RTN3: variants seen among roughly 807,000 people sequenced by gnomAD.
RTN3 encodes the protein reticulon-3.
In RTN3, 49 loss-of-function variants were observed where a neutral mutation model predicts 77.8. The observed-to-expected ratio is 0.63, with a 90% CI of 0.50 to 0.80. The LOEUF is 0.80. Ranked by LOEUF, RTN3 falls within the 30% of genes least tolerant of loss-of-function variation. RTN3 has a pLI of 0.00. For synonymous variants in RTN3, 464 were observed against 446.9 expected, an observed-to-expected ratio of 1.04 and a Z score of -0.48; for missense variants, 1,236 against 1,211.9, an observed-to-expected ratio of 1.02 and a Z score of -0.29.
chr11:63,690,927 T>C (rs1941622069), intron 1 of RTN3, among the ~76,000 whole-genome samples: 2 of 152,264 alleles, frequency 1.3e-5, no homozygotes, highest in South Asian at 4.1e-4. Flanking sequence ...TGGGTTTTAG[T>C]GTATGCACAA....
Position 63,733,795 on chromosome 11 carries a change from G to A in RTN3, c.2530+12763G>A, listed in dbSNP as rs191128546. On this transcript the variant is annotated intron_variant, in intron 3 of 8. Transcript: ENST00000377819. ...AGTCCCAGCTACTCGGGAGGCTGAG[G>A]CAGGAGGATTGCTTGGGCCCAGGAA... Among the ~76,000 whole-genome samples the A allele has an allele frequency of 4.1e-4, 63 of 151,940 alleles. No individual in the cohort carries two copies. In the East Asian group the frequency reaches 0.011, roughly 27 times the overall value.
At chr11:63,757,335 TTTC>T (rs2014429395) in intron 8 of RTN3, among the ~76,000 whole-genome samples, 1 of 152,176 alleles carries the variant, frequency 6.6e-6, no homozygotes, top group Non-Finnish European at 1.5e-5. Context: ...TTTTTTCTTT[TTTC>T]TTTTTTCTTT....
chr11:63,750,462 T>C, intron 4 of RTN3: 1 of 406,112 alleles, frequency 2.5e-6, no homozygotes, highest in Non-Finnish European at 4.4e-6. Flanking sequence ...ATTCTTTTTT[T>C]TTTTTTTTGA....
rs756405620 is a variant in RTN3, at chr11:63,690,497, G to A, written c.142+8719G>A. On this transcript the variant is annotated intron_variant, in intron 1 of 8. Coordinates refer to ENST00000377819, the MANE Select transcript of RTN3 (RefSeq NM_001265589.2). Reference sequence around the variant, plus strand: ...GGAAAGACTTGTATTATGTTTATCTGTGAGGTAGACAGGTAGCGATATAAC... The same window carrying A: ...GGAAAGACTTGTATTATGTTTATCTATGAGGTAGACAGGTAGCGATATAAC... Among the ~76,000 whole-genome samples, 4 of 152,172 alleles carry A rather than the reference G, an allele frequency of 2.6e-5. No homozygotes were observed. In the East Asian group the frequency reaches 7.7e-4, roughly 29 times the overall value.
intron 1 of RTN3, 134 bp downstream of exon 1, chr11:63,681,912 G>A (rs1047098405): frequency 1.9e-5 from 19 of 989,424 alleles, no homozygotes; most frequent in Non-Finnish European, 2.7e-5. Context: ...CCGGGGACGA[G>A]CGTTTGGAAA....
intron 3 of RTN3, among the ~76,000 whole-genome samples, chr11:63,745,009 T>C (rs1043962272): frequency 6.6e-6 from 1 of 151,992 alleles, no homozygotes; most frequent in African/African-American, 2.4e-5. Flanking sequence ...AAAAGAAAAT[T>C]TCATGGACGC....
intron 3 of RTN3, among the ~76,000 whole-genome samples, chr11:63,733,947 C>T (rs1414748160): frequency 6.6e-6 from 1 of 151,912 alleles, no homozygotes; most frequent in Non-Finnish European, 1.5e-5. Flanking sequence ...TACACACAGA[C>T]ACACATATAT....
At chr11:63,739,112 G>A (rs946957749) in intron 3 of RTN3, among the ~76,000 whole-genome samples, 8 of 152,136 alleles carry the variant, frequency 5.3e-5, no homozygotes, top group African/African-American at 1.9e-4. Flanking sequence ...GGAATCAGTC[G>A]TAATTCCACC....
At position 63,719,578 on chromosome 11, in the gene RTN3, T is replaced by C; in HGVS notation, c.1076T>C (p.Ile359Thr). 1.2e-6 allele frequency: 2 copies of C among 1,614,092 alleles called. No homozygotes were observed. Among genetic ancestry groups the C allele is most frequent in the Non-Finnish European group, 1.7e-6 (2 of 1,180,020 alleles). ...KQQTDKSSDC[I>T]TKTTGLDMSE... ...CAGACCGATAAATCTTCTGACTGCA[T>C]CACAAAAACTACAGGACTTGACATG... Residue 359 changes from isoleucine (I) to threonine (T), a missense_variant, in exon 3 of 9, where the codon ATC becomes ACC. Ile to Thr is a moderately conservative substitution (Grantham distance 89). This residue lies in a region of RTN3 where 1,056 missense variants were observed against 990.4 expected (regional missense o/e 1.07). Coordinates refer to ENST00000377819, the MANE Select transcript of RTN3 (RefSeq NM_001265589.2).
intron 8 of RTN3, 51 bp downstream of exon 8, chr11:63,756,221 A>G: frequency 8.0e-7 from 1 of 1,257,210 alleles, no homozygotes; most frequent in Non-Finnish European, 1.2e-6. Flanking sequence ...CCTTCCCCCC[A>G]ATTATCTTTA....
intron 6 of RTN3, 138 bp from the exon 7 acceptor site, chr11:63,753,524 G>A: frequency 2.6e-6 from 2 of 775,050 alleles, no homozygotes; most frequent in Admixed American, 2.1e-5. Flanking sequence ...AATTGGGAGT[G>A]CTAACCAGGA....
chr11:63,716,077 G>A lies in RTN3; in HGVS notation c.200-2625G>A, dbSNP rs1005421692. 2.6e-5 allele frequency among the ~76,000 whole-genome samples: 4 copies of A among 152,138 alleles called. No homozygotes were observed. The East Asian group carries it at 7.7e-4, about 29-fold the overall frequency. On this transcript the variant is annotated intron_variant, in intron 2 of 8. Coordinates refer to ENST00000377819, the MANE Select transcript of RTN3 (RefSeq NM_001265589.2). ...TTTGGTAATATAGCTTTGCCACCAAGCTTTTACAGTTTTCCTTGAATGTAC... is the reference window on the plus strand; with the variant it reads ...TTTGGTAATATAGCTTTGCCACCAAACTTTTACAGTTTTCCTTGAATGTAC...
Position 63,759,719 on chromosome 11 carries a change from ATTTTT to A in RTN3, c.*1529_*1533del, listed in dbSNP as rs35324379. On this transcript the variant is annotated 3_prime_UTR_variant, in exon 9 of 9. Coordinates refer to ENST00000377819, the MANE Select transcript of RTN3 (RefSeq NM_001265589.2). Reference sequence around the variant, plus strand: ...TGAAGAGATCTTTGTGCCACACAGGATTTTTTTTTTTTTTTAAGAAAAACCTATAG... The same window carrying A: ...TGAAGAGATCTTTGTGCCACACAGGATTTTTTTTTTAAGAAAAACCTATAG... 1.9e-4 allele frequency: 28 copies of A among 146,298 alleles called. No homozygotes were observed. The highest frequency in any genetic ancestry group is 4.3e-4 in the South Asian group (2 of 4,650). The allele number at this position is 146,298 out of a possible 1,614,324, so 9.1% of individuals were successfully genotyped here.
intron 2 of RTN3, among the ~76,000 whole-genome samples, chr11:63,717,444 C>T (rs945098461): frequency 1.6e-5 from 2 of 123,092 alleles, no homozygotes; most frequent in Non-Finnish European, 3.1e-5. Context: ...GGTGCGATGG[C>T]GTGACCTCAG....
chr11:63,702,438 C>CCA (rs1942286144), intron 1 of RTN3, among the ~76,000 whole-genome samples: 1 of 150,890 alleles, frequency 6.6e-6, no homozygotes, highest in African/African-American at 2.4e-5. Context: ...CCTCAGCCTT[C>CCA]GGAGTAGCTG....
At chr11:63,747,114 G>C (rs151171363) in intron 3 of RTN3, 365 of 426,428 alleles carry the variant, frequency 8.6e-4, no homozygotes, top group African/African-American at 6.4e-3. Context: ...AATCTGGGTT[G>C]GTCTGGTGTT....
chr11:63,709,471 T>C (rs1942643897), intron 2 of RTN3, among the ~76,000 whole-genome samples: 1 of 152,150 alleles, frequency 6.6e-6, no homozygotes, highest in African/African-American at 2.4e-5. Flanking sequence ...CATTAATGAA[T>C]GCTTGCATTC....
intron 2 of RTN3, chr11:63,714,316 A>G: frequency 4.0e-5 from 13 of 321,116 alleles, no homozygotes; most frequent in South Asian, 3.1e-4. Context: ...CCTGCATCTC[A>G]CAATCACTGA....
At chr11:63,694,060 C>T (rs1487887359) in intron 1 of RTN3, among the ~76,000 whole-genome samples, 1 of 152,070 alleles carries the variant, frequency 6.6e-6, no homozygotes, top group African/African-American at 2.4e-5. Context: ...GTCGAGGCTG[C>T]AGTGATTGCA....
Sources: allele counts gnomAD v4.1 joint callset (sites outside exome capture counted in the v4.1 genomes callset), GRCh38; gene constraint gnomAD v4.1.1; regional missense constraint gnomAD v4.1.1; transcripts MANE v1.5; gene names NCBI Gene and HGNC (gene_info 2026-07-23, HGNC 2026-07-21).